The following DSCAM variants were observed in gnomAD, a reference collection of about 807,000 sequenced individuals.
The protein encoded by DSCAM is cell adhesion molecule DSCAM.
A neutral mutation model predicts 217.7 loss-of-function variants in DSCAM; 47 were observed. The observed-to-expected ratio is 0.22, with a 90% confidence interval of 0.17 to 0.28. The LOEUF (loss-of-function observed/expected upper bound fraction) is 0.28, where lower values mean the gene tolerates loss of function less well. Ranked by LOEUF, DSCAM falls within the 10% of genes least tolerant of loss-of-function variation. The pLI, the probability that DSCAM is intolerant of heterozygous loss-of-function variation, is 1.00. For missense variants in DSCAM, 2,080 were observed against 2,618.3 expected (o/e 0.79, Z 4.49); for synonymous variants, 1,056 against 1,015.3 (o/e 1.04, Z -0.76).
At chr21:40,187,297 C>T (rs2090905262) in intron 13 of DSCAM, 38 bp from the exon 14 acceptor site, 3 of 1,610,660 alleles carry the variant, frequency 1.9e-6, no homozygotes, top group Non-Finnish European at 2.5e-6. Context: ...TTAGTTCAAA[C>T]AGAGCTCTGA....
chr21:40,011,093 G>A lies in DSCAM; in HGVS notation c.*1941C>T, dbSNP rs1184190736. 2.6e-5 allele frequency: 4 copies of A among 152,052 alleles called. No homozygotes were observed. The East Asian group carries it at 7.7e-4, about 29-fold the overall frequency. 9.4% of individuals were successfully genotyped at this position (152,052 alleles called of 1,614,324 possible). A position where few individuals can be genotyped will look rare whatever the true frequency, so the allele number is the denominator to read the frequency against. ...GGGGATATAGAAGTTTTAGGTTGAT[G>A]AAAGATAGACTTTTAATTTTTTCCC... On this transcript the variant is annotated 3_prime_UTR_variant, in exon 33 of 33. Transcript: ENST00000400454.
chr21:40,161,725 A>G (rs2090543513), intron 16 of DSCAM, among the ~76,000 whole-genome samples: 1 of 152,246 alleles, frequency 6.6e-6, no homozygotes, highest in Admixed American at 6.5e-5. Context: ...TTTGTAAGAC[A>G]TGTTGGTGTT....
At chr21:40,321,948 C>T (rs539602605) in intron 8 of DSCAM, among the ~76,000 whole-genome samples, 14 of 152,244 alleles carry the variant, frequency 9.2e-5, no homozygotes, top group African/African-American at 3.1e-4. Flanking sequence ...TTTTGGAAAC[C>T]GTTTCAGGCG....
rs367735616 is a variant in DSCAM, at chr21:40,483,412, A to G, written c.509-114167T>C. Among the ~76,000 whole-genome samples the G allele has an allele frequency of 2.9e-4, 44 of 152,332 alleles. No homozygotes were observed. The South Asian group carries it at 9.1e-3, about 32-fold the overall frequency. ...AGTGAAATCAACTTAAACGGGCAAT[A>G]TATTTATTTAAGTTGGCTTGGTTTT... On this transcript the variant is annotated intron_variant, in intron 3 of 32. Transcript: ENST00000400454.
chr21:40,121,761 C>T (rs1039356367), intron 20 of DSCAM, among the ~76,000 whole-genome samples: 3 of 135,226 alleles, frequency 2.2e-5, no homozygotes, highest in Non-Finnish European at 4.6e-5. Context: ...GACATTTTGG[C>T]TCACGGCAAC....
intron 3 of DSCAM, among the ~76,000 whole-genome samples, chr21:40,414,081 T>C (rs1227950334): frequency 6.6e-6 from 1 of 152,190 alleles, no homozygotes; most frequent in Non-Finnish European, 1.5e-5. Flanking sequence ...AGATGTTTTA[T>C]ATGGGACAAA....
At position 40,812,685 on chromosome 21, in the gene DSCAM, A is replaced by C. The variant is rs374267116; in HGVS notation, c.43+33934T>G. Among the ~76,000 whole-genome samples the C allele has an allele frequency of 7.4e-4, 113 of 152,362 alleles. 2 individuals carry two copies. In the South Asian group the frequency reaches 0.022, roughly 30 times the overall value. ...CATATAGGTCTGAAGCTCAAAGTAC[A>C]GTAGGAAATAGAAAGTTATGGGCAC... is the stretch of plus-strand genomic sequence containing the variant. On this transcript the variant is annotated intron_variant, in intron 1 of 32. Coordinates refer to ENST00000400454, the MANE Select transcript of DSCAM (RefSeq NM_001389.5).
chr21:40,781,660 T>C (rs925234702), intron 1 of DSCAM, among the ~76,000 whole-genome samples: 1 of 152,098 alleles, frequency 6.6e-6, no homozygotes, highest in African/African-American at 2.4e-5. Flanking sequence ...TACAGAGAGA[T>C]GAATGTACTA....
At chr21:40,702,685 G>A (rs2090670206) in intron 2 of DSCAM, among the ~76,000 whole-genome samples, 1 of 151,432 alleles carries the variant, frequency 6.6e-6, no homozygotes, top group Non-Finnish European at 1.5e-5. Flanking sequence ...TTTTTACCGT[G>A]TTTCCTTTTT....
rs183639287 is a variant in DSCAM, at chr21:40,114,873, C to T, written c.3696+9322G>A. ...TCAAAACCACAATGAGATACCATCT[C>T]ACACCAGTTAGAATGGCTATCATTA... is the stretch of plus-strand genomic sequence containing the variant. On this transcript the variant is annotated intron_variant, in intron 20 of 32. Coordinates refer to ENST00000400454, the MANE Select transcript of DSCAM (RefSeq NM_001389.5). Among the ~76,000 whole-genome samples the T allele has an allele frequency of 4.4e-3, 672 of 152,314 alleles. 2 individuals are homozygous for T. The highest frequency in any genetic ancestry group is 0.011 in the Admixed American group (162 of 15,304).
At chr21:40,320,867 G>T (rs2123520360) in intron 8 of DSCAM, among the ~76,000 whole-genome samples, 1 of 152,254 alleles carries the variant, frequency 6.6e-6, no homozygotes, top group African/African-American at 2.4e-5. Context: ...GATGAGATTT[G>T]GGTGGAGACA....
intron 3 of DSCAM, among the ~76,000 whole-genome samples, chr21:40,507,051 G>C (rs928009346): frequency 8.5e-5 from 13 of 152,190 alleles, no homozygotes; most frequent in African/African-American, 3.1e-4. Flanking sequence ...GGCCGAGGCA[G>C]GCAGATCGCA....
chr21:40,176,194 A>G (rs2090728202), intron 15 of DSCAM, among the ~76,000 whole-genome samples: 1 of 152,148 alleles, frequency 6.6e-6, no homozygotes, highest in Non-Finnish European at 1.5e-5. Flanking sequence ...AAAAGGAGAC[A>G]TGGAACTTGT....
intron 23 of DSCAM, among the ~76,000 whole-genome samples, chr21:40,085,049 C>CATGTT (rs2089513334): frequency 6.6e-6 from 1 of 152,248 alleles, no homozygotes; most frequent in Middle Eastern, 3.4e-3. Flanking sequence ...TTGGGATTTA[C>CATGTT]ACAAAATTTT....
chr21:40,821,393 GCA>G lies in DSCAM; in HGVS notation c.43+25224_43+25225del, dbSNP rs146285607. On this transcript the variant is annotated intron_variant, in intron 1 of 32. Transcript: ENST00000400454. ...CATGCACACACACAGACACACGCGCGCACACACACACACACACACACACACCC... is the reference window on the plus strand; with the variant it reads ...CATGCACACACACAGACACACGCGCGCACACACACACACACACACACACCC... Among the ~76,000 whole-genome samples, 163 of 145,720 alleles carry G rather than the reference GCA, an allele frequency of 1.1e-3. 1 individual carries two copies. Among genetic ancestry groups the G allele is most frequent in the Middle Eastern group, 7.0e-3 (2 of 284 alleles).
intron 3 of DSCAM, among the ~76,000 whole-genome samples, chr21:40,680,488 G>A (rs1212102993): frequency 2.6e-5 from 4 of 152,172 alleles, no homozygotes; most frequent in South Asian, 2.1e-4. Context: ...CCTGCTGTGC[G>A]CTGCTGGCAA....
intron 32 of DSCAM, among the ~76,000 whole-genome samples, chr21:40,037,769 C>G (rs1443226185): frequency 7.0e-6 from 1 of 143,224 alleles, no homozygotes; most frequent in Non-Finnish European, 1.5e-5. Context: ...TCAAACTATA[C>G]TACAAGGCTA....
intron 3 of DSCAM, among the ~76,000 whole-genome samples, chr21:40,452,019 G>A (rs576758606): frequency 1.3e-5 from 2 of 152,048 alleles, no homozygotes; most frequent in East Asian, 1.9e-4. Context: ...ACCTCCCTGG[G>A]ACTATGAAGT....
intron 2 of DSCAM, among the ~76,000 whole-genome samples, chr21:40,693,921 C>T (rs916784421): frequency 2.0e-5 from 3 of 152,100 alleles, no homozygotes; most frequent in Non-Finnish European, 4.4e-5. Context: ...AATCCAAGCT[C>T]GGCCACTCCC....
Sources: allele counts gnomAD v4.1 joint callset (sites outside exome capture counted in the v4.1 genomes callset), GRCh38; gene constraint gnomAD v4.1.1; transcripts MANE v1.5; gene names NCBI Gene and HGNC (gene_info 2026-07-23, HGNC 2026-07-21).